The following TNNT3 variants were observed in gnomAD, a reference collection of about 807,000 sequenced individuals.
The protein encoded by TNNT3 is troponin T3, fast skeletal type.
In TNNT3, 36 loss-of-function variants were observed where a neutral mutation model predicts 54.2. The ratio of observed to expected loss-of-function variants is 0.66; its 90% CI spans 0.51 to 0.88. TNNT3 has a LOEUF of 0.88. TNNT3 is among the 40% of genes least tolerant of loss of function. The pLI, the probability that TNNT3 is intolerant of heterozygous loss-of-function variation, is 0.00. For missense variants in TNNT3, 291 were observed against 331.6 expected (o/e 0.88, Z 0.95); for synonymous variants, 120 against 109.7 (o/e 1.09, Z -0.59).
chr11:1,926,531 G>A (rs1851644426), intron 5 of TNNT3, 164 bp from the exon 6 acceptor site: 3 of 1,612,716 alleles, frequency 1.9e-6, no homozygotes, highest in Non-Finnish European at 2.5e-6. Context: ...CATGTGGGGG[G>A]TGCAGGACCC....
intron 9 of TNNT3, 101 bp downstream of exon 9, chr11:1,932,615 C>G (rs1853728931): frequency 5.0e-6 from 6 of 1,205,278 alleles, no homozygotes; most frequent in South Asian, 1.2e-5. Context: ...GTAGCCAGAG[C>G]CGGGGCCTCC....
Position 1,938,496 on chromosome 11 carries a change from G to T in TNNT3, c.*4G>T. On this transcript the variant is annotated 3_prime_UTR_variant, in exon 16 of 16. Coordinates refer to ENST00000278317, the MANE Select transcript of TNNT3 (RefSeq NM_006757.4). ...AGTCGGCGGGCGCTGGAAGTAGAGA[G>T]GCCAGAAAGGCCCCTCGAGGCAGAG... 1 of 1,613,108 alleles carries T rather than the reference G, an allele frequency of 6.2e-7. No homozygotes were observed. Among genetic ancestry groups the T allele is most frequent in the Non-Finnish European group, 8.5e-7 (1 of 1,179,846 alleles).
rs1853723294 is a variant in TNNT3 at position 1,932,602 on chromosome 11, C to T, written c.171+88C>T. 38 of 1,390,228 alleles carry T rather than the reference C, an allele frequency of 2.7e-5. No homozygotes were observed. In the South Asian group the frequency reaches 4.3e-4, roughly 16 times the overall value. The allele number at this position is 1,390,228 out of a possible 1,614,324, so 86.1% of individuals were successfully genotyped here. A position where few individuals can be genotyped will look rare whatever the true frequency, so the allele number is the denominator to read the frequency against. On this transcript the variant is annotated intron_variant, in intron 9 of 15. Coordinates refer to ENST00000278317, the MANE Select transcript of TNNT3 (RefSeq NM_006757.4). ...TAGGCCTCAGAAGGTCACTTCCTCCCAAGTAGCCAGAGCCGGGGCCTCCTG... is the reference window on the plus strand; with the variant it reads ...TAGGCCTCAGAAGGTCACTTCCTCCTAAGTAGCCAGAGCCGGGGCCTCCTG...
intron 1 of TNNT3, chr11:1,922,633 A>T: frequency 6.7e-6 from 4 of 600,866 alleles, no homozygotes; most frequent in Non-Finnish European, 1.2e-5. Flanking sequence ...GGGCAGGAAG[A>T]GGGGACAGAG....
At chr11:1,931,882 A>G (rs1165898385) in intron 8 of TNNT3, among the ~76,000 whole-genome samples, 1 of 152,064 alleles carries the variant, frequency 6.6e-6, no homozygotes, top group Non-Finnish European at 1.5e-5. Flanking sequence ...GGTTTGTTGG[A>G]AAAAATTGTT....
At chr11:1,932,556 C>T (rs1370358403) in intron 9 of TNNT3, 42 bp downstream of exon 9, 2 of 1,604,318 alleles carry the variant, frequency 1.2e-6, no homozygotes, top group East Asian at 2.2e-5. Flanking sequence ...ACGGTTTCCC[C>T]ACACCCCAGC....
At chr11:1,920,679 A>G (rs991343904) in intron 1 of TNNT3, among the ~76,000 whole-genome samples, 3 of 152,096 alleles carry the variant, frequency 2.0e-5, no homozygotes, top group African/African-American at 4.8e-5. Context: ...GTCACCTCCC[A>G]AGGAGGGAAA....
chr11:1,920,771 C>T (rs1168098271), intron 1 of TNNT3, among the ~76,000 whole-genome samples: 1 of 152,204 alleles, frequency 6.6e-6, no homozygotes, highest in Non-Finnish European at 1.5e-5. Context: ...AACTGGACAC[C>T]TGCTTTGCGT....
Position 1,934,461 on chromosome 11 carries a change from G to A in TNNT3, c.480+16G>A. 6.2e-7 allele frequency: 1 copy of A among 1,612,350 alleles called. No homozygotes were observed. Among genetic ancestry groups the A allele is most frequent in the Non-Finnish European group, 8.5e-7 (1 of 1,179,260 alleles). ...CCTGGCCAAGGTGTGTGCCGCTGCTGGGAGCACGGTGGTAGCCTTCAGTGT... is the reference window on the plus strand; with the variant it reads ...CCTGGCCAAGGTGTGTGCCGCTGCTAGGAGCACGGTGGTAGCCTTCAGTGT... On this transcript the variant is annotated intron_variant, in intron 12 of 15. Transcript: ENST00000278317.
intron 2 of TNNT3, 39 bp from the exon 3 acceptor site, chr11:1,923,009 C>T (rs1209432055): frequency 1.6e-5 from 26 of 1,612,950 alleles, no homozygotes; most frequent in Non-Finnish European, 2.1e-5. Context: ...GCCTCACTAC[C>T]TCTCTCTCTT....
chr11:1,935,622 T>A (rs1325932703), intron 14 of TNNT3: 1 of 168,586 alleles, frequency 5.9e-6, no homozygotes, highest in Non-Finnish European at 1.3e-5. Flanking sequence ...CCGTTTGGGC[T>A]CCAGGGGCGA....
At chr11:1,920,301 G>A (rs1223353220) in intron 1 of TNNT3, among the ~76,000 whole-genome samples, 1 of 152,210 alleles carries the variant, frequency 6.6e-6, no homozygotes. Flanking sequence ...GCCCGAGTGT[G>A]TTGGGGTGGG....
chr11:1,929,812 G>A lies in TNNT3; in HGVS notation c.109G>A (p.Glu37Lys), dbSNP rs1271053558. Reference sequence around the variant, plus strand: ...TACGCTGGTGCTGTGTGGACCAGAGGAGAAACCGAGACCCAAGTGAGTGTG... The same window carrying A: ...TACGCTGGTGCTGTGTGGACCAGAGAAGAAACCGAGACCCAAGTGAGTGTG... Reference protein sequence around the residue: ...EDTAEEDAEEEKPRPKLTAPK... With the variant: ...EDTAEEDAEEKKPRPKLTAPK... The change falls in exon 8 of 16, where the codon GAG becomes AAG. Residue 37 changes from glutamate (E) to lysine (K), a missense_variant and splice_region_variant. Physicochemically the swap from Glu to Lys is moderately conservative, Grantham distance 56. Transcript: ENST00000278317. 11 of 1,551,332 alleles carry A rather than the reference G, an allele frequency of 7.1e-6. No individual in the cohort carries two copies. The South Asian group carries it at 1.2e-4, about 17-fold the overall frequency.
chr11:1,938,296 T>G (rs1279307808), intron 15 of TNNT3, 142 bp from the exon 16 acceptor site: 1 of 892,682 alleles, frequency 1.1e-6, no homozygotes, highest in African/African-American at 1.6e-5. Flanking sequence ...GGACTGAAGC[T>G]GGGTGTGGGC....
rs1209019694 is a variant in TNNT3, at chr11:1,932,512, G to A, written c.169G>A (p.Asp57Asn). The change falls in exon 9 of 16, where the codon GAT becomes AAT. Residue 57 changes from aspartate (D) to asparagine (N), a missense_variant and splice_region_variant. Transcript: ENST00000278317. ...CCCAGAAGGGGAGAAAGTGGACTTC[G>A]ATGTAAGTTTACAGGACTCTGGTTA... is the stretch of plus-strand genomic sequence containing the variant. ...KIPEGEKVDF[D>N]DIQKKRQNKD... 9 of 1,613,662 alleles carry A rather than the reference G, an allele frequency of 5.6e-6. No individual in the cohort carries two copies. The Admixed American group carries it at 6.7e-5, about 12-fold the overall frequency.
intron 6 of TNNT3, 119 bp from the exon 7 acceptor site, chr11:1,929,001 G>A (rs750823555): frequency 8.5e-7 from 1 of 1,170,454 alleles, no homozygotes; most frequent in Non-Finnish European, 1.3e-6. Flanking sequence ...CTGGAGAAGA[G>A]AGTGTCCGAG....
chr11:1,928,526 G>T (rs1014965211), intron 6 of TNNT3, among the ~76,000 whole-genome samples: 6 of 152,180 alleles, frequency 3.9e-5, no homozygotes, highest in African/African-American at 1.4e-4. Context: ...TGTGGGTGGG[G>T]GCTGTGGTGG....
intron 4 of TNNT3, 153 bp from the exon 5 acceptor site, chr11:1,924,946 C>T (rs912510350): frequency 2.5e-6 from 2 of 796,016 alleles, no homozygotes; most frequent in South Asian, 1.5e-5. Context: ...GGACTGAGCC[C>T]CATCTTTCAC....
chr11:1,925,348 G>T, intron 5 of TNNT3: 2 of 1,456,970 alleles, frequency 1.4e-6, no homozygotes, highest in Non-Finnish European at 1.9e-6. Context: ...GGGGGTGGGG[G>T]AGAGGGGGAG....
Sources: allele counts gnomAD v4.1 joint callset (sites outside exome capture counted in the v4.1 genomes callset), GRCh38; gene constraint gnomAD v4.1.1; transcripts MANE v1.5; gene names NCBI Gene and HGNC (gene_info 2026-07-23, HGNC 2026-07-21).